The following SEM1 variants were observed in gnomAD, a reference collection of about 807,000 sequenced individuals.
SEM1 encodes the protein 26S proteasome complex subunit SEM1.
Under a neutral mutation model 12.7 loss-of-function variants are expected in SEM1, and 3 were observed. That is an observed-to-expected ratio of 0.24 (90% CI 0.11 to 0.61). The LOEUF (loss-of-function observed/expected upper bound fraction) is 0.61, where lower values mean the gene tolerates loss of function less well. Ranked by LOEUF, SEM1 falls within the 20% of genes least tolerant of loss-of-function variation. The probability of loss-of-function intolerance (pLI) is 0.88; values close to 1 mark genes in which losing one functional copy is unlikely to be tolerated. For missense variants in SEM1, 59 were observed against 81.3 expected (o/e 0.73, Z 1.06); for synonymous variants, 30 against 27.8 (o/e 1.08, Z -0.25).
At chr7:96,660,782 T>C (rs909430308) in intron 2 of SEM1, among the ~76,000 whole-genome samples, 7 of 152,124 alleles carry the variant, frequency 4.6e-5, no homozygotes, top group Non-Finnish European at 1.0e-4. Flanking sequence ...TTAATAGAAT[T>C]CATGGAATAT....
rs1554412360 is a variant in SEM1, at chr7:96,541,431, G to GGT, written c.171-34734_171-34733insAC. On this transcript the variant is annotated intron_variant and NMD_transcript_variant, in intron 2 of 3. Transcript: ENST00000466986. Reference sequence around the variant, plus strand: ...CATGTCTTTTCCCACTTTTTAATGGGTTTTTTTTTTTGTTTTTTTTTTTTT... The same window carrying GGT: ...CATGTCTTTTCCCACTTTTTAATGGGGTTTTTTTTTTTTGTTTTTTTTTTTTT... 2.4e-3 allele frequency among the ~76,000 whole-genome samples: 297 copies of GGT among 121,414 alleles called. 2 individuals carry two copies. Among genetic ancestry groups the GGT allele is most frequent in the African/African-American group, 5.8e-3 (152 of 26,174 alleles). The allele number at this position is 121,414 out of a possible 152,430, so 79.7% of individuals were successfully genotyped here.
At chr7:96,553,475 TC>T (rs2115858201) in intron 2 of SEM1, among the ~76,000 whole-genome samples, 1 of 150,586 alleles carries the variant, frequency 6.6e-6, no homozygotes, top group South Asian at 2.1e-4. Context: ...TGCTTGTTTT[TC>T]TCAGGTTTGT....
chr7:96,689,123 A>T (rs1789849748), intron 2 of SEM1, among the ~76,000 whole-genome samples, 157 bp from the exon 3 acceptor site: 1 of 152,158 alleles, frequency 6.6e-6, no homozygotes, highest in Non-Finnish European at 1.5e-5. Flanking sequence ...AAAAAACATA[A>T]GAAAATTGGA....
At chr7:96,613,231 A>T (rs991313331) in intron 2 of SEM1, among the ~76,000 whole-genome samples, 1 of 152,212 alleles carries the variant, frequency 6.6e-6, no homozygotes, top group East Asian at 1.9e-4. Flanking sequence ...AGACATAAAA[A>T]TTCTGTCTCT....
chr7:96,570,472 TGC>T (rs1805985419), intron 2 of SEM1, among the ~76,000 whole-genome samples: 1 of 152,108 alleles, frequency 6.6e-6, no homozygotes, highest in Non-Finnish European at 1.5e-5. Context: ...TGTGTTAGTT[TGC>T]TGAAAATGAT....
chr7:96,556,368 T>C (rs1805499584), intron 2 of SEM1, among the ~76,000 whole-genome samples: 1 of 152,140 alleles, frequency 6.6e-6, no homozygotes, highest in Admixed American at 6.5e-5. Context: ...CTTCAGGAGC[T>C]CTTGTAAGGC....
chr7:96,709,585 C>T, intron 1 of SEM1, 103 bp downstream of exon 1: 7 of 1,119,410 alleles, frequency 6.3e-6, no homozygotes, highest in Non-Finnish European at 7.9e-6. Context: ...GGAGTCCAAA[C>T]TTCCCGCCGG....
At chr7:96,706,557 C>A (rs1790468545) in intron 1 of SEM1, among the ~76,000 whole-genome samples, 1 of 110,630 alleles carries the variant, frequency 9.0e-6, no homozygotes, top group South Asian at 3.5e-4. Flanking sequence ...AGTGAAACTC[C>A]ATCTCAAACA....
chr7:96,696,864 T>C (rs1790114201), intron 1 of SEM1: 1 of 152,022 alleles, frequency 6.6e-6, no homozygotes, highest in African/African-American at 2.4e-5. Flanking sequence ...TGACATCTTC[T>C]TGGATCTCTG....
At chr7:96,551,360 T>C (rs990936724) in intron 2 of SEM1, among the ~76,000 whole-genome samples, 2 of 152,102 alleles carry the variant, frequency 1.3e-5, no homozygotes, top group African/African-American at 4.8e-5. Flanking sequence ...AAGATAATTC[T>C]GTATTATCCA....
At chr7:96,624,753 G>C (rs2116302062) in intron 2 of SEM1, among the ~76,000 whole-genome samples, 1 of 152,190 alleles carries the variant, frequency 6.6e-6, no homozygotes, top group Middle Eastern at 3.4e-3. Flanking sequence ...CATGTGTTTG[G>C]GAGTAGGGAG....
chr7:96,691,737 A>G (rs1395665374), intron 2 of SEM1, among the ~76,000 whole-genome samples: 5 of 152,254 alleles, frequency 3.3e-5, no homozygotes, highest in African/African-American at 1.2e-4. Flanking sequence ...TATGGTAGTC[A>G]TATGTGGCTA....
intron 2 of SEM1, among the ~76,000 whole-genome samples, chr7:96,659,034 T>C (rs927923317): frequency 7.9e-5 from 12 of 152,032 alleles, no homozygotes; most frequent in Admixed American, 3.9e-4. Flanking sequence ...CTCAGAAAAC[T>C]TGGCAGATGT....
chr7:96,671,667 A>T (rs1789320880), downstream of SEM1, among the ~76,000 whole-genome samples: 1 of 152,240 alleles, frequency 6.6e-6, no homozygotes, highest in South Asian at 2.1e-4. Context: ...GTTAATGAAC[A>T]TATAACCGAT....
At chr7:96,562,378 T>G (rs1486827566) in intron 2 of SEM1, among the ~76,000 whole-genome samples, 1 of 152,182 alleles carries the variant, frequency 6.6e-6, no homozygotes, top group South Asian at 2.1e-4. Context: ...ATTCTATGTA[T>G]GAAGGATACA....
downstream of SEM1, chr7:96,688,131 A>G (rs1469719597): frequency 6.6e-6 from 1 of 152,186 alleles, no homozygotes; most frequent in African/African-American, 2.4e-5. Context: ...AAGTCATCAC[A>G]AAGAATCCTT....
At chr7:96,598,288 CACAGAATTA>C (rs1807068132) in intron 2 of SEM1, among the ~76,000 whole-genome samples, 1 of 151,900 alleles carries the variant, frequency 6.6e-6, no homozygotes, top group Non-Finnish European at 1.5e-5. Context: ...GGATAGAATG[CACAGAATTA>C]GAAGAGGCAA....
chr7:96,487,316 A>G (rs866759675), intron 1 of SEM1, among the ~76,000 whole-genome samples: 1 of 150,216 alleles, frequency 6.7e-6, no homozygotes, highest in Non-Finnish European at 1.5e-5. Flanking sequence ...ATGCTATACT[A>G]TGAGTCTGAG....
At chr7:96,641,670 A>AC (rs1313473395) in intron 2 of SEM1, among the ~76,000 whole-genome samples, 5 of 152,050 alleles carry the variant, frequency 3.3e-5, no homozygotes, top group Non-Finnish European at 5.9e-5. Context: ...CATGCCTCCT[A>AC]CCCCACTTCC....
Sources: gnomAD v4.1 joint callset for allele counts (sites outside exome capture counted in the v4.1 genomes callset) on GRCh38, gnomAD v4.1.1 for gene constraint, MANE v1.5 for transcripts, NCBI Gene and HGNC (gene_info 2026-07-23, HGNC 2026-07-21) for gene names.